The following ARFGEF1 variants were observed in gnomAD, a reference collection of about 807,000 sequenced individuals.
ARFGEF1 encodes the protein brefeldin A-inhibited guanine nucleotide-exchange protein 1.
A neutral mutation model predicts 231.0 loss-of-function variants in ARFGEF1; 42 were observed. That is an observed-to-expected ratio of 0.18 (90% CI 0.14 to 0.24). The LOEUF is 0.24. Among genes scored for constraint, ARFGEF1 ranks in the 10% least tolerant of loss-of-function variants. The probability of loss-of-function intolerance (pLI) is 1.00; values close to 1 mark genes in which losing one functional copy is unlikely to be tolerated. For missense variants in ARFGEF1, 1,345 were observed against 2,192.0 expected (o/e 0.61, Z 7.72); for synonymous variants, 710 against 732.3 (o/e 0.97, Z 0.49).
intron 23 of ARFGEF1, among the ~76,000 whole-genome samples, chr8:67,232,479 C>T (rs1173292320): frequency 6.6e-6 from 1 of 151,938 alleles, no homozygotes; most frequent in Non-Finnish European, 1.5e-5. Context: ...TTCATTTCAT[C>T]CATAATGCAG....
chr8:67,217,226 C>A (rs531476624), intron 32 of ARFGEF1, among the ~76,000 whole-genome samples: 1 of 151,368 alleles, frequency 6.6e-6, no homozygotes, highest in Admixed American at 6.6e-5. Context: ...ATCACTTGAA[C>A]CCAAGAGGCG....
chr8:67,288,878 A>G (rs182349499), intron 6 of ARFGEF1, among the ~76,000 whole-genome samples: 3 of 152,248 alleles, frequency 2.0e-5, no homozygotes, highest in African/African-American at 7.2e-5. Flanking sequence ...CACCAACATA[A>G]TCTACATATC....
At chr8:67,245,734 G>A (rs111903744) in intron 19 of ARFGEF1, among the ~76,000 whole-genome samples, 3,627 of 150,266 alleles carry the variant, frequency 0.024, 239 homozygotes, top group South Asian at 0.049. Context: ...AAAATTGGAA[G>A]AGTAAGTCTT....
intron 5 of ARFGEF1, chr8:67,179,877 T>C (rs1282674431): frequency 6.3e-7 from 1 of 1,595,316 alleles, no homozygotes; most frequent in Admixed American, 1.7e-5. Flanking sequence ...GAGATGACAC[T>C]AGTGATTTCT....
chr8:67,259,941 A>G lies in ARFGEF1; in HGVS notation c.2124-15T>C, dbSNP rs767026165. 6.5e-7 allele frequency: 1 copy of G among 1,527,228 alleles called. No individual in the cohort carries two copies. Among genetic ancestry groups the G allele is most frequent in the African/African-American group, 1.4e-5 (1 of 71,916 alleles). 94.6% of individuals were successfully genotyped at this position (1,527,228 alleles called of 1,614,324 possible). A position where few individuals can be genotyped will look rare whatever the true frequency, so the allele number is the denominator to read the frequency against. On this transcript the variant is annotated splice_polypyrimidine_tract_variant and intron_variant, in intron 14 of 38. Coordinates refer to ENST00000262215, the MANE Select transcript of ARFGEF1 (RefSeq NM_006421.5). ...TCTTATTAAATCTAGATGATGTTAA[A>G]TAAGAACATTAAAAATAGAAAACCA...
At chr8:67,238,914 T>C in intron 20 of ARFGEF1, 21 bp from the exon 21 acceptor site, 1 of 1,607,760 alleles carries the variant, frequency 6.2e-7, no homozygotes, top group Non-Finnish European at 8.5e-7. Context: ...GAGAAAAGTA[T>C]GTTTACACAG....
intron 1 of ARFGEF1, among the ~76,000 whole-genome samples, chr8:67,307,257 A>G (rs1354809336): frequency 6.6e-6 from 1 of 152,218 alleles, no homozygotes; most frequent in Non-Finnish European, 1.5e-5. Flanking sequence ...TTTTAAATGA[A>G]TAAACTCACA....
At chr8:67,248,912 G>A (rs1378499629) in intron 19 of ARFGEF1, among the ~76,000 whole-genome samples, 1 of 150,518 alleles carries the variant, frequency 6.6e-6, no homozygotes, top group East Asian at 1.9e-4. Context: ...AATAATGTTT[G>A]AAGACTATAA....
intron 19 of ARFGEF1, among the ~76,000 whole-genome samples, chr8:67,244,316 G>T (rs201444402): frequency 0.015 from 743 of 49,364 alleles, 77 homozygotes; most frequent in African/African-American, 0.06. Context: ...TGTTGTTGTT[G>T]TTTTTTTTTT....
At chr8:67,212,901 A>G (rs997883221) in intron 33 of ARFGEF1, among the ~76,000 whole-genome samples, 9 of 152,224 alleles carry the variant, frequency 5.9e-5, no homozygotes, top group Non-Finnish European at 1.0e-4. Flanking sequence ...TGTTCTCTCC[A>G]GAAAACTAAA....
At chr8:67,324,999 C>T (rs145592370) in intron 1 of ARFGEF1, among the ~76,000 whole-genome samples, 186 of 152,006 alleles carry the variant, frequency 1.2e-3, no homozygotes, top group African/African-American at 3.6e-3. Context: ...CTGCAACCTC[C>T]GCCTCCTGCA....
intron 1 of ARFGEF1, among the ~76,000 whole-genome samples, chr8:67,333,909 C>G (rs536488331): frequency 6.6e-5 from 10 of 152,036 alleles, no homozygotes; most frequent in Admixed American, 3.3e-4. Flanking sequence ...AGGCCAAGGT[C>G]AGCGGATCAC....
chr8:67,223,106 A>G (rs192712575), intron 29 of ARFGEF1, among the ~76,000 whole-genome samples: 164 of 152,302 alleles, frequency 1.1e-3, no homozygotes, highest in African/African-American at 3.7e-3. Context: ...TGGGACTTTA[A>G]TTTTCGGTAT....
At chr8:67,205,098 G>A (rs1201844242) in intron 34 of ARFGEF1, among the ~76,000 whole-genome samples, 1 of 152,172 alleles carries the variant, frequency 6.6e-6, no homozygotes, top group African/African-American at 2.4e-5. Context: ...AGCTTTGAAT[G>A]CAGCCCAACA....
intron 1 of ARFGEF1, among the ~76,000 whole-genome samples, chr8:67,303,351 C>T (rs1806588046): frequency 6.6e-6 from 1 of 152,072 alleles, no homozygotes; most frequent in Non-Finnish European, 1.5e-5. Flanking sequence ...GGAAATTTTC[C>T]CTTTCACTAT....
chr8:67,315,905 C>A (rs548209693), intron 1 of ARFGEF1, among the ~76,000 whole-genome samples: 1 of 151,706 alleles, frequency 6.6e-6, no homozygotes, highest in African/African-American at 2.4e-5. Context: ...AAGCTCCCAC[C>A]TTAAGAAACT....
intron 33 of ARFGEF1, among the ~76,000 whole-genome samples, chr8:67,213,619 A>C (rs377401527): frequency 6.6e-6 from 1 of 152,364 alleles, no homozygotes; most frequent in South Asian, 2.1e-4. Context: ...TCAATTAAAC[A>C]CTATTCCAGG....
chr8:67,280,204 C>T (rs184081232), intron 7 of ARFGEF1, among the ~76,000 whole-genome samples: 45 of 152,252 alleles, frequency 3.0e-4, no homozygotes, highest in Non-Finnish European at 5.1e-4. Context: ...ACTTCAAAGC[C>T]TAGAATGGCA....
Position 67,190,636 on chromosome 8 carries a change from C to T in ARFGEF1, c.560+9760G>A, listed in dbSNP as rs202201525. 6.9e-6 allele frequency: 11 copies of T among 1,596,486 alleles called. No individual in the cohort carries two copies. The highest frequency in any genetic ancestry group is 6.7e-5 in the Admixed American group (4 of 59,976). Reference sequence around the variant, plus strand: ...CAGTATTAAGACTCCTTCTGCTTTTCGGGGTCCTCTTAGGGGCTTACGGTG... The same window carrying T: ...CAGTATTAAGACTCCTTCTGCTTTTTGGGGTCCTCTTAGGGGCTTACGGTG... On this transcript the variant is annotated intron_variant, in intron 5 of 5. Transcript: ENST00000518789.
Sources: gnomAD v4.1 joint callset for allele counts (sites outside exome capture counted in the v4.1 genomes callset) on GRCh38, gnomAD v4.1.1 for gene constraint, MANE v1.5 for transcripts, NCBI Gene and HGNC (gene_info 2026-07-23, HGNC 2026-07-21) for gene names.